The following OR5A1 variants were observed in gnomAD, a reference collection of about 807,000 sequenced individuals.
OR5A1 encodes olfactory receptor 5A1.
A neutral mutation model predicts 6.7 loss-of-function variants in OR5A1; 6 were observed. That is an observed-to-expected ratio of 0.89 (90% confidence interval 0.49 to 1.76). The LOEUF is 1.76. Among genes scored for constraint, OR5A1 ranks in the 40% most tolerant of loss-of-function variants. The pLI is 0.01. For synonymous variants in OR5A1, 170 were observed against 155.0 expected (o/e 1.10, Z -0.72); for missense variants, 378 against 381.7 (o/e 0.99, Z 0.08).
At position 59,444,113 on chromosome 11, in the gene OR5A1, T is replaced by C; in HGVS notation, c.945T>C (p.Ser315=). The C allele has an allele frequency of 6.2e-7, 1 of 1,604,362 alleles. No homozygotes were observed. The highest frequency in any genetic ancestry group is 8.5e-7 in the Non-Finnish European group (1 of 1,172,034). Residue 315 remains serine, a synonymous_variant, in exon 2 of 2, where the codon TCT becomes TCC. Transcript: ENST00000641045. The part of the protein sequence containing the change: ...WKVLERKKVF[S] ...TGTTGGAAAGGAAGAAAGTGTTTTC[T>C]TAGGTCATGCGTAGAAACTTATTTA... is the stretch of plus-strand genomic sequence containing the variant.
chr11:59,442,221 CG>C (rs1565074827), intron 1 of OR5A1, among the ~76,000 whole-genome samples: 1 of 152,020 alleles, frequency 6.6e-6, no homozygotes, highest in African/African-American at 2.4e-5. Context: ...CTGAGGCGGG[CG>C]GATCGCCCAA....
At chr11:59,441,371 G>A (rs886212099) in intron 1 of OR5A1, among the ~76,000 whole-genome samples, 2 of 152,050 alleles carry the variant, frequency 1.3e-5, no homozygotes, top group Admixed American at 1.3e-4. Context: ...TCAGGAACAT[G>A]ATTTTTTGTT....
rs1858545881 is a variant in OR5A1, at chr11:59,446,117, G to C, written c.*2001G>C. ...TTCTTCTAGGATTTTTATAGTTTGG[G>C]GCTTTACATTTAAATCTTTAATCCA... On this transcript the variant is annotated 3_prime_UTR_variant, in exon 2 of 2. Transcript: ENST00000641045. 1 of 152,002 alleles carries C rather than the reference G, an allele frequency of 6.6e-6. No homozygotes were observed. Among genetic ancestry groups the C allele is most frequent in the Non-Finnish European group, 1.5e-5 (1 of 67,990 alleles). 9.4% of individuals were successfully genotyped at this position (152,002 alleles called of 1,614,324 possible).
rs1365257305 is a variant in OR5A1 at position 59,447,076 on chromosome 11, G to A, written c.*2960G>A. On this transcript the variant is annotated 3_prime_UTR_variant, in exon 2 of 2. Coordinates refer to ENST00000641045, the MANE Select transcript of OR5A1 (RefSeq NM_001004728.2). Reference sequence around the variant, plus strand: ...CTTACTAAATTTCAAGTTCTATTCTGAACATTTCATACATGTTAAGCCATT... The same window carrying A: ...CTTACTAAATTTCAAGTTCTATTCTAAACATTTCATACATGTTAAGCCATT... 2 of 152,124 alleles carry A rather than the reference G, an allele frequency of 1.3e-5. No individual in the cohort carries two copies. Among genetic ancestry groups the A allele is most frequent in the Non-Finnish European group, 2.9e-5 (2 of 68,024 alleles). The allele number at this position is 152,124 out of a possible 1,614,324, so 9.4% of individuals were successfully genotyped here. A position where few individuals can be genotyped will look rare whatever the true frequency, so the allele number is the denominator to read the frequency against.
Position 59,444,916 on chromosome 11 carries a change from A to G in OR5A1, c.*800A>G, listed in dbSNP as rs1858529552. On this transcript the variant is annotated 3_prime_UTR_variant, in exon 2 of 2. Coordinates refer to ENST00000641045, the MANE Select transcript of OR5A1 (RefSeq NM_001004728.2). ...CCAATACTCTTCTTTTCTCAGTCTC[A>G]GTCCCCTAAACTGCCTATCAGTCAG... The G allele has an allele frequency of 6.6e-6, 1 of 152,172 alleles. No homozygotes were observed. The highest frequency in any genetic ancestry group is 2.1e-4 in the South Asian group (1 of 4,812). The allele number at this position is 152,172 out of a possible 1,614,324, so 9.4% of individuals were successfully genotyped here.
In OR5A1 at chr11:59,436,598, A is replaced by T. The variant is rs1342889878; in HGVS notation, c.-271A>T. On this transcript the variant is annotated 5_prime_UTR_variant, in exon 1 of 2. Coordinates refer to ENST00000641045, the MANE Select transcript of OR5A1 (RefSeq NM_001004728.2). ...ATGCCAGAAGAGCTTCTTAAAGATTACAACCTCCATCCTTTCTTTATATAT... is the reference window on the plus strand; with the variant it reads ...ATGCCAGAAGAGCTTCTTAAAGATTTCAACCTCCATCCTTTCTTTATATAT... 6.6e-6 allele frequency: 1 copy of T among 152,198 alleles called. No homozygotes were observed. The highest frequency in any genetic ancestry group is 1.5e-5 in the Non-Finnish European group (1 of 68,048). 9.4% of individuals were successfully genotyped at this position (152,198 alleles called of 1,614,324 possible).
intron 1 of OR5A1, among the ~76,000 whole-genome samples, chr11:59,438,339 T>C (rs1159080146): frequency 2.0e-5 from 3 of 152,198 alleles, no homozygotes; most frequent in African/African-American, 4.8e-5. Context: ...AAATGTTCAG[T>C]AGCATTTTTT....
Position 59,443,499 on chromosome 11 carries a change from G to T in OR5A1, c.331G>T (p.Gly111Cys). 1 of 1,613,814 alleles carries T rather than the reference G, an allele frequency of 6.2e-7. No homozygotes were observed. The highest frequency in any genetic ancestry group is 2.2e-5 in the East Asian group (1 of 44,866). Residue 111 changes from glycine (G) to cysteine (C), a missense_variant, in exon 2 of 2, where the codon GGT becomes TGT. Physicochemically the swap from Gly to Cys is radical, Grantham distance 159. Transcript: ENST00000641045. ...TCAGTTTTTTTTCTTTGTCGGCATG[G>T]GTCTGTCTGAGTGCCTCCTCCTGAC... The part of the protein sequence containing the change: ...AAQFFFFVGM[G>C]LSECLLLTAM...
chr11:59,442,785 C>A (rs544005423), intron 1 of OR5A1, among the ~76,000 whole-genome samples: 1 of 152,312 alleles, frequency 6.6e-6, no homozygotes, highest in South Asian at 2.1e-4. Context: ...TGTTATGTGC[C>A]AGGCACTTAA....
chr11:59,443,194 G>C lies in OR5A1; in HGVS notation c.26G>C (p.Ser9Thr), dbSNP rs1366076553. ...ATGTCCATAACCAAAGCCTGGAACA[G>C]CTCATCAGTGACCATGTTCATCCTC... MSITKAWNSSSVTMFILLG... is the reference protein window; with the variant it reads MSITKAWNTSSVTMFILLG... Residue 9 changes from serine (S) to threonine (T), a missense_variant, in exon 2 of 2, where the codon AGC becomes ACC. Physicochemically the swap from Ser to Thr is moderately conservative, Grantham distance 58. Coordinates refer to ENST00000641045, the MANE Select transcript of OR5A1 (RefSeq NM_001004728.2). 8.7e-6 allele frequency: 14 copies of C among 1,613,864 alleles called. No homozygotes were observed. In the Admixed American group the frequency reaches 2.3e-4, roughly 27 times the overall value.
Position 59,444,261 on chromosome 11 carries a change from A to G in OR5A1, c.*145A>G. The G allele has an allele frequency of 2.4e-6, 1 of 424,134 alleles. No homozygotes were observed. Among genetic ancestry groups the G allele is most frequent in the Non-Finnish European group, 4.3e-6 (1 of 232,170 alleles). 26.3% of individuals were successfully genotyped at this position (424,134 alleles called of 1,614,324 possible). On this transcript the variant is annotated 3_prime_UTR_variant, in exon 2 of 2. Transcript: ENST00000641045. ...CTCCAGATTCCTCTCACCCTTCCTCATGGTCACTTGTCTACTGACTGTGCC... is the reference window on the plus strand; with the variant it reads ...CTCCAGATTCCTCTCACCCTTCCTCGTGGTCACTTGTCTACTGACTGTGCC...
Position 59,445,811 on chromosome 11 carries a change from T to C in OR5A1, c.*1695T>C, listed in dbSNP as rs1858541807. ...TTTGTTGGCCATACAAATGTCTTCTTTTGAGAAGTGTCTGTTCATGTCATT... is the reference window on the plus strand; with the variant it reads ...TTTGTTGGCCATACAAATGTCTTCTCTTGAGAAGTGTCTGTTCATGTCATT... On this transcript the variant is annotated 3_prime_UTR_variant, in exon 2 of 2. Coordinates refer to ENST00000641045, the MANE Select transcript of OR5A1 (RefSeq NM_001004728.2). 2 of 152,348 alleles carry C rather than the reference T, an allele frequency of 1.3e-5. No individual in the cohort carries two copies. Among genetic ancestry groups the C allele is most frequent in the South Asian group, 4.1e-4 (2 of 4,826 alleles). The allele number at this position is 152,348 out of a possible 1,614,324, so 9.4% of individuals were successfully genotyped here. A position where few individuals can be genotyped will look rare whatever the true frequency, so the allele number is the denominator to read the frequency against.
chr11:59,438,379 T>C (rs947242531), intron 1 of OR5A1, among the ~76,000 whole-genome samples: 1 of 152,198 alleles, frequency 6.6e-6, no homozygotes, highest in Non-Finnish European at 1.5e-5. Context: ...TGATGAATTA[T>C]TAGCTTTATA....
rs1858521165 is a variant in OR5A1 at position 59,444,196 on chromosome 11, A to T, written c.*80A>T. On this transcript the variant is annotated 3_prime_UTR_variant, in exon 2 of 2. Coordinates refer to ENST00000641045, the MANE Select transcript of OR5A1 (RefSeq NM_001004728.2). ...CTTCACCTCCACCTCTGCCTCAGGC[A>T]AGGGAGATATTTGGTGCTCTCATTT... 1.1e-6 allele frequency: 1 copy of T among 944,416 alleles called. No homozygotes were observed. Among genetic ancestry groups the T allele is most frequent in the Non-Finnish European group, 1.6e-6 (1 of 614,644 alleles). 58.5% of individuals were successfully genotyped at this position (944,416 alleles called of 1,614,324 possible).
At position 59,441,938 on chromosome 11, in the gene OR5A1, T is replaced by TGATAGATA. The variant is rs3033264; in HGVS notation, c.-33-1154_-33-1147dup. Among the ~76,000 whole-genome samples, 1,144 of 148,106 alleles carry TGATAGATA rather than the reference T, an allele frequency of 7.7e-3. 8 individuals carry two copies. Among genetic ancestry groups the TGATAGATA allele is most frequent in the Middle Eastern group, 0.01 (3 of 294 alleles). ...AGATAGATAAAGATGGATAGAGAGA[T>TGATAGATA]GATAGATAGATAGATAGATAGATAG... is the stretch of plus-strand genomic sequence containing the variant. On this transcript the variant is annotated intron_variant, in intron 1 of 1. Coordinates refer to ENST00000641045, the MANE Select transcript of OR5A1 (RefSeq NM_001004728.2).
At chr11:59,441,586 T>C (rs945270202) in intron 1 of OR5A1, among the ~76,000 whole-genome samples, 1 of 152,210 alleles carries the variant, frequency 6.6e-6, no homozygotes, top group Non-Finnish European at 1.5e-5. Flanking sequence ...GTACTTTCTA[T>C]AGGATTAGGG....
chr11:59,441,274 C>T (rs1481952941), intron 1 of OR5A1, among the ~76,000 whole-genome samples: 4 of 152,012 alleles, frequency 2.6e-5, no homozygotes, highest in Admixed American at 2.6e-4. Flanking sequence ...TAAACATATA[C>T]TTGTACATAA....
Position 59,443,407 on chromosome 11 carries a change from T to C in OR5A1, c.239T>C (p.Val80Ala). Residue 80 changes from valine (V) to alanine (A), a missense_variant, in exon 2 of 2, where the codon GTG (valine) becomes GCG (alanine). Transcript: ENST00000641045. ...ATTGACATCTGCTACTCTTCTGCTG[T>C]GGCTCCCAATATGCTCACTGACTTC... ...SFIDICYSSA[V>A]APNMLTDFFW... is the part of the protein sequence containing the mutation. 1.2e-6 allele frequency: 2 copies of C among 1,613,958 alleles called. No individual in the cohort carries two copies. The highest frequency in any genetic ancestry group is 1.7e-6 in the Non-Finnish European group (2 of 1,180,038).
chr11:59,443,456 A>G lies in OR5A1; in HGVS notation c.288A>G (p.Ser96=). 1 of 1,613,724 alleles carries G rather than the reference A, an allele frequency of 6.2e-7. No individual in the cohort carries two copies. Among genetic ancestry groups the G allele is most frequent in the Non-Finnish European group, 8.5e-7 (1 of 1,179,962 alleles). ...TDFFWEQKTI[S]FVGCAAQFFF... ...TCTTCTGGGAGCAGAAGACCATATC[A>G]TTTGTGGGCTGTGCTGCTCAGTTTT... Residue 96 remains serine, a synonymous_variant, in exon 2 of 2, where the codon TCA becomes TCG. Coordinates refer to ENST00000641045, the MANE Select transcript of OR5A1 (RefSeq NM_001004728.2).
Sources: gnomAD v4.1 joint callset for allele counts (sites outside exome capture counted in the v4.1 genomes callset) on GRCh38, gnomAD v4.1.1 for gene constraint, MANE v1.5 for transcripts, NCBI Gene and HGNC (gene_info 2026-07-23, HGNC 2026-07-21) for gene names.